Variants in ZNF385D observed in about 807,000 individuals in gnomAD.
ZNF385D encodes zinc finger protein 385D, also known as zinc finger protein 659.
In ZNF385D, 15 loss-of-function variants were observed where a neutral mutation model predicts 35.8. That is an observed-to-expected ratio of 0.42 (90% CI 0.28 to 0.64). The LOEUF is 0.64. Among genes scored for constraint, ZNF385D ranks in the 30% least tolerant of loss-of-function variants. ZNF385D has a pLI of 0.23. For missense variants in ZNF385D, 474 were observed against 494.6 expected, an observed-to-expected ratio of 0.96 and a Z score of 0.39; for synonymous variants, 212 against 186.8, an observed-to-expected ratio of 1.13 and a Z score of -1.10.
chr3:21,908,782 G>T (rs944509839), intron 3 of ZNF385D, among the ~76,000 whole-genome samples: 1 of 151,774 alleles, frequency 6.6e-6, no homozygotes, highest in African/African-American at 2.4e-5. Context: ...GGAATAACTA[G>T]TTCTTTAAAA....
chr3:21,883,706 G>T (rs974826274), intron 3 of ZNF385D, among the ~76,000 whole-genome samples: 1 of 152,040 alleles, frequency 6.6e-6, no homozygotes, highest in African/African-American at 2.4e-5. Context: ...ACTACAGAAA[G>T]GAAAGTCATT....
At chr3:22,229,858 T>A (rs1454350173) in intron 2 of ZNF385D, among the ~76,000 whole-genome samples, 1 of 152,194 alleles carries the variant, frequency 6.6e-6, no homozygotes, top group Non-Finnish European at 1.5e-5. Context: ...ACAGTCACCA[T>A]TGGTTTAGCC....
chr3:21,527,083 G>C (rs1250166968), intron 3 of ZNF385D, among the ~76,000 whole-genome samples: 1 of 152,010 alleles, frequency 6.6e-6, no homozygotes, highest in Admixed American at 6.6e-5. Flanking sequence ...ATAAGGAAAA[G>C]GTGTAATATA....
chr3:21,635,125 T>G (rs1433070168), intron 2 of ZNF385D, among the ~76,000 whole-genome samples: 1 of 152,132 alleles, frequency 6.6e-6, no homozygotes, highest in Non-Finnish European at 1.5e-5. Flanking sequence ...TTTATTTACC[T>G]ATTTAGTCAA....
At chr3:21,868,880 C>T (rs896953442) in intron 3 of ZNF385D, among the ~76,000 whole-genome samples, 2 of 152,098 alleles carry the variant, frequency 1.3e-5, no homozygotes, top group South Asian at 2.1e-4. Flanking sequence ...CATGGACACT[C>T]GAGGCAAATT....
At chr3:22,347,062 T>C (rs778753177) in intron 2 of ZNF385D, among the ~76,000 whole-genome samples, 6 of 152,116 alleles carry the variant, frequency 3.9e-5, no homozygotes, top group Non-Finnish European at 5.9e-5. Context: ...CAAGGATTAA[T>C]GTAAGACACT....
At chr3:21,732,478 C>T (rs907108775) in intron 1 of ZNF385D, among the ~76,000 whole-genome samples, 9 of 152,152 alleles carry the variant, frequency 5.9e-5, no homozygotes, top group South Asian at 2.1e-4. Context: ...TGTCTTCTAA[C>T]GTGCCTGTAG....
At chr3:22,206,170 TA>T (rs1697138501) in intron 2 of ZNF385D, among the ~76,000 whole-genome samples, 1 of 151,584 alleles carries the variant, frequency 6.6e-6, no homozygotes, top group South Asian at 2.1e-4. Context: ...ACAAAAACTA[TA>T]AAAAGAGACA....
At chr3:22,361,616 G>A (rs548158199) in intron 2 of ZNF385D, among the ~76,000 whole-genome samples, 3 of 151,972 alleles carry the variant, frequency 2.0e-5, no homozygotes, top group Non-Finnish European at 2.9e-5. Context: ...TTCCATTCAT[G>A]TACTATCATT....
At chr3:22,267,577 C>G (rs1315586759) in intron 2 of ZNF385D, among the ~76,000 whole-genome samples, 1 of 151,838 alleles carries the variant, frequency 6.6e-6, no homozygotes, top group East Asian at 1.9e-4. Flanking sequence ...TAACTCACAA[C>G]CCCAGATGAG....
intron 3 of ZNF385D, among the ~76,000 whole-genome samples, chr3:22,138,829 A>C (rs1330267359): frequency 6.6e-6 from 1 of 152,112 alleles, no homozygotes; most frequent in African/African-American, 2.4e-5. Context: ...GATCTAATTA[A>C]ACTAAAGAGC....
At chr3:22,263,061 C>T (rs1700717015) in intron 2 of ZNF385D, among the ~76,000 whole-genome samples, 1 of 152,016 alleles carries the variant, frequency 6.6e-6, no homozygotes, top group African/African-American at 2.4e-5. Flanking sequence ...CCCCCAGTTC[C>T]AGTTACCTTC....
chr3:22,225,009 T>G (rs1333509367), intron 2 of ZNF385D, among the ~76,000 whole-genome samples: 1 of 151,982 alleles, frequency 6.6e-6, no homozygotes, highest in African/African-American at 2.4e-5. Context: ...GTGCTTATTC[T>G]CAAGAAAGAA....
intron 4 of ZNF385D, among the ~76,000 whole-genome samples, chr3:21,499,954 C>T (rs1017508363): frequency 3.9e-5 from 6 of 152,104 alleles, no homozygotes; most frequent in Non-Finnish European, 5.9e-5. Flanking sequence ...CATGTCACAA[C>T]GCAAAGTTGG....
chr3:22,168,748 C>T (rs757123300), intron 3 of ZNF385D: 11 of 880,654 alleles, frequency 1.2e-5, no homozygotes, highest in Non-Finnish European at 1.4e-5. Flanking sequence ...TTTATCCTCA[C>T]ATCTGCAGGT....
Position 21,601,430 on chromosome 3 carries a change from G to A in ZNF385D, c.166-36746C>T, listed in dbSNP as rs114984741. On this transcript the variant is annotated intron_variant, in intron 2 of 7. Coordinates refer to ENST00000281523, the MANE Select transcript of ZNF385D (RefSeq NM_024697.3). ...ACAAAGTGTTACAGGGAAACCTCAG[G>A]AGTAAAAAGTAACACAAGATTGTAG... Among the ~76,000 whole-genome samples the A allele has an allele frequency of 5.1e-3, 777 of 152,312 alleles. 4 individuals are homozygous for A. The highest frequency in any genetic ancestry group is 0.018 in the African/African-American group (747 of 41,566).
At chr3:21,694,353 G>T in intron 1 of ZNF385D, among the ~76,000 whole-genome samples, 2 of 152,138 alleles carry the variant, frequency 1.3e-5, no homozygotes, top group Admixed American at 1.3e-4. Flanking sequence ...ATTTTAAGGA[G>T]TACCTCCTGA....
intron 2 of ZNF385D, among the ~76,000 whole-genome samples, chr3:22,321,924 C>T (rs1025977835): frequency 6.6e-6 from 1 of 151,950 alleles, no homozygotes; most frequent in Non-Finnish European, 1.5e-5. Flanking sequence ...AATTATTTCT[C>T]CTACCTATTT....
At chr3:21,616,892 G>T (rs906545912) in intron 2 of ZNF385D, among the ~76,000 whole-genome samples, 6 of 152,160 alleles carry the variant, frequency 3.9e-5, no homozygotes, top group Non-Finnish European at 8.8e-5. Context: ...TTATGAAAAT[G>T]CAATAGAGTT....
Sources: allele counts gnomAD v4.1 joint callset (sites outside exome capture counted in the v4.1 genomes callset), GRCh38; gene constraint gnomAD v4.1.1; transcripts MANE v1.5; gene names NCBI Gene and HGNC (gene_info 2026-07-23, HGNC 2026-07-21).